Variants in CALD1 observed in about 807,000 individuals in gnomAD.
CALD1 encodes the protein caldesmon.
CALD1 carries 33 observed loss-of-function variants against 99.9 expected under a neutral mutation model. The observed-to-expected ratio is 0.33, with a 90% CI of 0.25 to 0.44. The LOEUF is 0.44. Among genes scored for constraint, CALD1 ranks in the 20% least tolerant of loss-of-function variants. The pLI is 1.00. For synonymous variants in CALD1, 310 were observed against 325.0 expected (o/e 0.95, Z 0.50); for missense variants, 861 against 962.1 (o/e 0.89, Z 1.39).
chr7:134,869,853 C>T (rs139404473), intron 3 of CALD1, among the ~76,000 whole-genome samples: 125 of 152,088 alleles, frequency 8.2e-4, no homozygotes, highest in African/African-American at 2.5e-3. Context: ...AAAAAGTGAG[C>T]GGTCATCAAG....
intron 1 of CALD1, among the ~76,000 whole-genome samples, chr7:134,820,956 G>T (rs549420159): frequency 2.6e-5 from 4 of 151,650 alleles, no homozygotes; most frequent in Admixed American, 6.6e-5. Flanking sequence ...GTGAAGGAGA[G>T]GGGAGGAGAA....
intron 1 of CALD1, among the ~76,000 whole-genome samples, chr7:134,823,846 A>G (rs1328671505): frequency 6.6e-6 from 1 of 152,250 alleles, no homozygotes; most frequent in African/African-American, 2.4e-5. Flanking sequence ...CAAGTGAATG[A>G]CACAATATTA....
chr7:134,877,314 G>A (rs1801398065), intron 3 of CALD1, among the ~76,000 whole-genome samples: 2 of 152,084 alleles, frequency 1.3e-5, no homozygotes, highest in African/African-American at 4.8e-5. Flanking sequence ...ATCTGTTTTA[G>A]CAGCTACCTT....
intron 3 of CALD1, among the ~76,000 whole-genome samples, chr7:134,893,396 TA>T (rs1300190406): frequency 3.9e-5 from 6 of 152,194 alleles, no homozygotes; most frequent in Non-Finnish European, 8.8e-5. Context: ...GGGAGAATGT[TA>T]AAAACATTGT....
chr7:134,898,728 G>T (rs557142086), intron 3 of CALD1, among the ~76,000 whole-genome samples: 5 of 151,926 alleles, frequency 3.3e-5, no homozygotes, highest in Middle Eastern at 3.4e-3. Flanking sequence ...CGTGATTTTT[G>T]TATTTTTGTA....
chr7:134,877,916 A>C (rs772250400), intron 3 of CALD1, among the ~76,000 whole-genome samples: 3 of 152,158 alleles, frequency 2.0e-5, no homozygotes, highest in Non-Finnish European at 4.4e-5. Context: ...TAATTTATTC[A>C]TTTTAATTAT....
intron 1 of CALD1, chr7:134,744,471 G>GTA (rs924286885): frequency 6.6e-6 from 1 of 151,752 alleles, no homozygotes; most frequent in African/African-American, 2.4e-5. Flanking sequence ...GTGTGTGTGT[G>GTA]TGTGTGTGTG....
chr7:134,873,702 C>A (rs1324264180), intron 3 of CALD1, among the ~76,000 whole-genome samples: 1 of 152,148 alleles, frequency 6.6e-6, no homozygotes, highest in Non-Finnish European at 1.5e-5. Context: ...TGTCAAATCC[C>A]AGCTCTGCCA....
chr7:134,865,723 C>T (rs183959544), intron 2 of CALD1, among the ~76,000 whole-genome samples: 13 of 152,246 alleles, frequency 8.5e-5, no homozygotes, highest in African/African-American at 1.9e-4. Flanking sequence ...AGACACTGCC[C>T]GGCTCTGCAG....
At chr7:134,802,887 G>A (rs1185117624) in intron 1 of CALD1, among the ~76,000 whole-genome samples, 1 of 152,228 alleles carries the variant, frequency 6.6e-6, no homozygotes, top group Non-Finnish European at 1.5e-5. Flanking sequence ...GTAAACACAA[G>A]TTTTTATTTC....
At chr7:134,964,204 A>G (rs1808497229) in intron 13 of CALD1, among the ~76,000 whole-genome samples, 1 of 152,182 alleles carries the variant, frequency 6.6e-6, no homozygotes, top group African/African-American at 2.4e-5. Context: ...CACAACAGAA[A>G]AAGAAGAAAG....
intron 14 of CALD1, 84 bp from the exon 15 acceptor site, chr7:134,968,256 C>A: frequency 1.8e-6 from 2 of 1,116,958 alleles, no homozygotes; most frequent in South Asian, 1.2e-5. Flanking sequence ...TTTCTTCTGA[C>A]TATAAAAACC....
At chr7:134,963,911 C>A (rs2133282548) in intron 13 of CALD1, among the ~76,000 whole-genome samples, 1 of 152,282 alleles carries the variant, frequency 6.6e-6, no homozygotes, top group East Asian at 1.9e-4. Context: ...AGAAAAGGGA[C>A]TTTGTGGCTG....
chr7:134,907,658 TTTGGACTTTAAAAAAAAATTGTTTTCAA>T (rs1803495092), intron 3 of CALD1, among the ~76,000 whole-genome samples: 1 of 152,218 alleles, frequency 6.6e-6, no homozygotes, highest in African/African-American at 2.4e-5. Flanking sequence ...GTTTTTTTGG[TTTGGACTTTAAAAAAAAATTGTTTTCAA>T]AACCATAATT....
At chr7:134,966,332 T>C (rs1808678855) in intron 14 of CALD1, among the ~76,000 whole-genome samples, 1 of 152,216 alleles carries the variant, frequency 6.6e-6, no homozygotes, top group Non-Finnish European at 1.5e-5. Context: ...CCACCTTCAC[T>C]ATTAGCTACG....
rs532192077 is a variant in CALD1 at position 134,868,395 on chromosome 7, A to T, written c.71+591A>T. On this transcript the variant is annotated intron_variant, in intron 3 of 14. Coordinates refer to ENST00000361675, the MANE Select transcript of CALD1 (RefSeq NM_033138.4). ...GTGGCTATGAGGTCAAATTGGGGAG[A>T]TAAAGCATTGGCATATAAAACCTGG... Among the ~76,000 whole-genome samples, 12 of 152,290 alleles carry T rather than the reference A, an allele frequency of 7.9e-5. No individual in the cohort carries two copies. In the East Asian group the frequency reaches 2.1e-3, roughly 27 times the overall value.
At chr7:134,967,527 CGTG>C (rs1808766398) in intron 14 of CALD1, among the ~76,000 whole-genome samples, 1 of 151,878 alleles carries the variant, frequency 6.6e-6, no homozygotes, top group Admixed American at 6.6e-5. Flanking sequence ...AGATAAGTCT[CGTG>C]GGGTAGGGGT....
chr7:134,779,346 G>A (rs1797013968), upstream of CALD1: 1 of 251,130 alleles, frequency 4.0e-6, no homozygotes, highest in South Asian at 1.8e-4. Flanking sequence ...ACCAAAAAAG[G>A]GCATGGAGCA....
At chr7:134,711,690 GT>G in the CALD1 span, among the ~76,000 whole-genome samples, 24 of 80,222 alleles carry the variant, frequency 3.0e-4, no homozygotes, top group South Asian at 0.013. Context: ...ATGTGTGTGT[GT>G]GTGTGTGTGT....
Sources: allele counts gnomAD v4.1 joint callset (sites outside exome capture counted in the v4.1 genomes callset), GRCh38; gene constraint gnomAD v4.1.1; transcripts MANE v1.5; gene names NCBI Gene and HGNC (gene_info 2026-07-23, HGNC 2026-07-21).